The following COL3A1 variants were observed in gnomAD, a reference collection of about 807,000 sequenced individuals.
COL3A1 encodes collagen alpha-1(III) chain.
Under a neutral mutation model 200.9 loss-of-function variants are expected in COL3A1, and 46 were observed. The observed-to-expected ratio is 0.23, with a 90% CI of 0.18 to 0.29. The LOEUF (loss-of-function observed/expected upper bound fraction) is 0.29, where lower values mean the gene tolerates loss of function less well. COL3A1 is among the 10% of genes least tolerant of loss of function. The probability of loss-of-function intolerance (pLI) is 1.00; values close to 1 mark genes in which losing one functional copy is unlikely to be tolerated. For synonymous variants in COL3A1, 650 were observed against 628.0 expected, an observed-to-expected ratio of 1.03 and a Z score of -0.52; for missense variants, 1,367 against 1,917.6, an observed-to-expected ratio of 0.71 and a Z score of 5.36.
chr2:188,998,198 AC>A, intron 27 of COL3A1, 67 bp from the exon 28 acceptor site: 10 of 1,394,106 alleles, frequency 7.2e-6, no homozygotes, highest in Non-Finnish European at 1.0e-5. Flanking sequence ...AAACATGTGT[AC>A]ATATGAGAAG....
intron 11 of COL3A1, among the ~76,000 whole-genome samples, 188 bp from the exon 12 acceptor site, chr2:188,991,299 T>C (rs909715401): frequency 8.5e-5 from 13 of 152,290 alleles, no homozygotes; most frequent in African/African-American, 3.1e-4. Flanking sequence ...TACTTCACTT[T>C]AGTCTTTAAG....
At position 189,006,166 on chromosome 2, in the gene COL3A1, G is replaced by A. The variant is rs186194935; in HGVS notation, c.3040-40G>A. ...GCATGGATGAAATGGCATTTGGAAG[G>A]TTTCAAGAAATTTTATTTCCTTTCT... On this transcript the variant is annotated intron_variant, in intron 41 of 50. Coordinates refer to ENST00000304636, the MANE Select transcript of COL3A1 (RefSeq NM_000090.4). 1,910 of 1,607,404 alleles carry A rather than the reference G, an allele frequency of 1.2e-3. 5 individuals carry two copies. Among genetic ancestry groups the A allele is most frequent in the Middle Eastern group, 2.3e-3 (14 of 6,038 alleles).
Position 188,991,683 on chromosome 2 carries a change from T to C in COL3A1, c.912T>C (p.Ala304=), listed in dbSNP as rs1339917719. 6.2e-7 allele frequency: 1 copy of C among 1,613,966 alleles called. No individual in the cohort carries two copies. The highest frequency in any genetic ancestry group is 8.5e-7 in the Non-Finnish European group (1 of 1,179,936). ...GAPGPMGPRG[A]PGERGRPGLP... The stretch of plus-strand genomic sequence containing the variant: ...TTACTCTGTAGGGTCCAAGAGGGGC[T>C]CCTGGTGAGCGAGGACGGCCAGGAC... Residue 304 remains alanine (A), a synonymous_variant, in exon 13 of 51, where the codon GCT becomes GCC. Transcript: ENST00000304636.
Position 188,974,563 on chromosome 2 carries a change from A to C in COL3A1, c.74A>C (p.Gln25Pro), listed in dbSNP as rs748787122. The change falls in exon 1 of 51, where the codon CAG (glutamine) becomes CCG (proline). Residue 25 changes from glutamine (Q) to proline (P), a missense_variant. Physicochemically the swap from Gln to Pro is moderately conservative, Grantham distance 76. Transcript: ENST00000304636. ...LLHPTIILAQ[Q>P]EAVEGGCSHL... The stretch of plus-strand genomic sequence containing the variant: ...CATCCCACTATTATTTTGGCACAAC[A>C]GGAAGGTGAGTAGGTACTGATTTCA... 2 of 1,613,642 alleles carry C rather than the reference A, an allele frequency of 1.2e-6. No homozygotes were observed. Among genetic ancestry groups the C allele is most frequent in the Non-Finnish European group, 1.7e-6 (2 of 1,179,564 alleles).
intron 50 of COL3A1, 60 bp downstream of exon 50, chr2:189,010,950 C>A (rs935950850): frequency 1.3e-6 from 2 of 1,596,668 alleles, no homozygotes; most frequent in Non-Finnish European, 1.7e-6. Flanking sequence ...TTTAATCATG[C>A]AAATTATTTT....
Position 188,986,889 on chromosome 2 carries a change from A to T in COL3A1, c.448-170A>T, listed in dbSNP as rs573837229. 2.0e-5 allele frequency among the ~76,000 whole-genome samples: 3 copies of T among 152,214 alleles called. No individual in the cohort carries two copies. In the South Asian group the frequency reaches 6.2e-4, roughly 32 times the overall value. On this transcript the variant is annotated intron_variant, in intron 4 of 50. Transcript: ENST00000304636. ...CTTCTGTAGGATATCTAACGTCTAAATCTACAGAAAGACACGATAAACAAG... is the reference window on the plus strand; with the variant it reads ...CTTCTGTAGGATATCTAACGTCTAATTCTACAGAAAGACACGATAAACAAG...
intron 45 of COL3A1, 88 bp from the exon 46 acceptor site, chr2:189,007,797 C>G (rs1356558847): frequency 1.3e-5 from 19 of 1,488,194 alleles, no homozygotes; most frequent in Non-Finnish European, 1.6e-5. Context: ...TCATCATGAT[C>G]CCCATGTTTC....
At position 188,989,448 on chromosome 2, in the gene COL3A1, AT is replaced by A. The variant is rs769093858; in HGVS notation, c.690del (p.Asp230GlufsTer33). 6.2e-7 allele frequency: 1 copy of A among 1,606,718 alleles called. No homozygotes were observed. The highest frequency in any genetic ancestry group is 1.7e-5 in the Admixed American group (1 of 59,590). ...AIGPSGPAGK[D>X]GESGRPGRPG... ...GGTCCATCTGGTCCTGCTGGAAAAG[AT>A]GTAAGTTTTTAAAACTTAAATAAGA... On this transcript the variant is annotated frameshift_variant and splice_region_variant, in exon 8 of 51. Transcript: ENST00000304636. LOFTEE classifies it high-confidence loss of function.
Position 189,012,647 on chromosome 2 carries a change from C to G in COL3A1, c.*873C>G, listed in dbSNP as rs1688752891. 1 of 152,508 alleles carries G rather than the reference C, an allele frequency of 6.6e-6. No individual in the cohort carries two copies. Among genetic ancestry groups the G allele is most frequent in the African/African-American group, 2.4e-5 (1 of 41,430 alleles). The allele number at this position is 152,508 out of a possible 1,614,324, so 9.4% of individuals were successfully genotyped here. ...TATGGGGCTGCTTTTGTCACACTAGCATAGAGAATGTGTTGAAATTTAACT... is the reference window on the plus strand; with the variant it reads ...TATGGGGCTGCTTTTGTCACACTAGGATAGAGAATGTGTTGAAATTTAACT... On this transcript the variant is annotated 3_prime_UTR_variant, in exon 51 of 51. Coordinates refer to ENST00000304636, the MANE Select transcript of COL3A1 (RefSeq NM_000090.4).
chr2:188,975,463 A>T, intron 1 of COL3A1, among the ~76,000 whole-genome samples: 1 of 152,190 alleles, frequency 6.6e-6, no homozygotes, highest in East Asian at 1.9e-4. Context: ...TAGTCATGAA[A>T]ATGCTGAACA....
At chr2:188,983,785 C>CT (rs1489125163) in intron 1 of COL3A1, among the ~76,000 whole-genome samples, 1 of 151,884 alleles carries the variant, frequency 6.6e-6, no homozygotes, top group Non-Finnish European at 1.5e-5. Context: ...TTTGCAGATG[C>CT]TTAGAAACTT....
intron 48 of COL3A1, among the ~76,000 whole-genome samples, chr2:189,009,612 G>A (rs533148864): frequency 6.6e-6 from 1 of 152,108 alleles, no homozygotes; most frequent in East Asian, 1.9e-4. Context: ...TTAAACAAGT[G>A]AAAAATTTCA....
chr2:188,999,215 A>T lies in COL3A1; in HGVS notation c.2023-70A>T, dbSNP rs1183419132. 7 of 1,380,548 alleles carry T rather than the reference A, an allele frequency of 5.1e-6. No homozygotes were observed. In the East Asian group the frequency reaches 1.7e-4, roughly 34 times the overall value. 85.5% of individuals were successfully genotyped at this position (1,380,548 alleles called of 1,614,324 possible). A position where few individuals can be genotyped will look rare whatever the true frequency, so the allele number is the denominator to read the frequency against. ...TAACCTAGTGGCCTGATTCAAAATG[A>T]TGCAAGTTAAGGTGCTTTGTTTTTA... is the stretch of plus-strand genomic sequence containing the variant. On this transcript the variant is annotated intron_variant, in intron 29 of 50. Coordinates refer to ENST00000304636, the MANE Select transcript of COL3A1 (RefSeq NM_000090.4).
chr2:188,995,197 A>C, intron 21 of COL3A1, 98 bp downstream of exon 21: 1 of 1,180,430 alleles, frequency 8.5e-7, no homozygotes, highest in Non-Finnish European at 1.2e-6. Flanking sequence ...ATATCTGAAG[A>C]ATATATATTA....
intron 50 of COL3A1, among the ~76,000 whole-genome samples, chr2:189,011,215 T>C (rs1283925795): frequency 6.6e-6 from 1 of 152,246 alleles, no homozygotes; most frequent in Non-Finnish European, 1.5e-5. Context: ...ATCTGTTTTT[T>C]AAAATTTTAA....
chr2:188,988,728 T>C (rs1688114962), intron 7 of COL3A1, 85 bp downstream of exon 7: 1 of 900,162 alleles, frequency 1.1e-6, no homozygotes, highest in Non-Finnish European at 1.8e-6. Flanking sequence ...TATAGGTCTT[T>C]ACAGAATGAA....
chr2:189,004,002 T>C lies in COL3A1; in HGVS notation c.2682T>C (p.Gly894=). 1 of 1,612,290 alleles carries C rather than the reference T, an allele frequency of 6.2e-7. No homozygotes were observed. ...PGSNGNPGPP[G]PSGSPGKDGP... is the part of the protein sequence containing the mutation. The stretch of plus-strand genomic sequence containing the variant: ...TGTAGGGTAACCCAGGACCCCCAGG[T>C]CCCAGCGGTTCTCCAGGCAAGGATG... The change falls in exon 39 of 51, where the codon GGT becomes GGC. Residue 894 remains glycine (G), a synonymous_variant. Coordinates refer to ENST00000304636, the MANE Select transcript of COL3A1 (RefSeq NM_000090.4).
rs886055329 is a variant in COL3A1 at position 188,988,076 on chromosome 2, T to G, written c.529-5T>G. ...TTTTGTTTTTCATTCAAATTCACATTCCAGGGCCCCCCAGGCCCTCCCGGT... is the reference window on the plus strand; with the variant it reads ...TTTTGTTTTTCATTCAAATTCACATGCCAGGGCCCCCCAGGCCCTCCCGGT... On this transcript the variant is annotated splice_polypyrimidine_tract_variant and splice_region_variant and intron_variant, in intron 5 of 50. Transcript: ENST00000304636. 6.2e-7 allele frequency: 1 copy of G among 1,608,494 alleles called. No individual in the cohort carries two copies. Among genetic ancestry groups the G allele is most frequent in the South Asian group, 1.1e-5 (1 of 90,980 alleles).
At chr2:189,010,046 C>T (rs553780145) in intron 48 of COL3A1, 132 bp from the exon 49 acceptor site, 5 of 815,782 alleles carry the variant, frequency 6.1e-6, no homozygotes, top group South Asian at 4.9e-5. Context: ...CAAAAAGCTT[C>T]TCTATCATTC....
Sources: allele counts gnomAD v4.1 joint callset (sites outside exome capture counted in the v4.1 genomes callset), GRCh38; gene constraint gnomAD v4.1.1; transcripts MANE v1.5; gene names NCBI Gene and HGNC (gene_info 2026-07-23, HGNC 2026-07-21).